The following RPS6 variants were observed in gnomAD, a reference collection of about 807,000 sequenced individuals.
The protein encoded by RPS6 is small ribosomal subunit protein eS6.
RPS6 carries 1 observed loss-of-function variant against 27.1 expected under a neutral mutation model. The ratio of observed to expected loss-of-function variants is 0.04; its 90% CI spans 0.01 to 0.18. The LOEUF (loss-of-function observed/expected upper bound fraction) is 0.18, where lower values mean the gene tolerates loss of function less well. Ranked by LOEUF, RPS6 falls within the 10% of genes least tolerant of loss-of-function variation. The pLI is 1.00. For missense variants in RPS6, 259 were observed against 319.1 expected, an observed-to-expected ratio of 0.81 and a Z score of 1.44; for synonymous variants, 152 against 106.0, an observed-to-expected ratio of 1.43 and a Z score of -2.66.
rs1829627044 is a variant in RPS6, at chr9:19,378,533, A to G, written c.350-19T>C. On this transcript the variant is annotated intron_variant, in intron 3 of 5. Transcript: ENST00000380394. The stretch of plus-strand genomic sequence containing the variant: ...TTCTCTCCTTAGAAGAAACAGTTGA[A>G]GAGATTTTAATTCAACAACTTCCTT... 6.2e-7 allele frequency: 1 copy of G among 1,607,228 alleles called. No homozygotes were observed. Among genetic ancestry groups the G allele is most frequent in the South Asian group, 1.1e-5 (1 of 89,600 alleles).
intron 4 of RPS6, 52 bp from the exon 5 acceptor site, chr9:19,376,703 C>G: frequency 6.5e-7 from 1 of 1,544,372 alleles, no homozygotes; most frequent in East Asian, 2.2e-5. Flanking sequence ...TTAGAATCCA[C>G]ATCTACTTTA....
chr9:19,376,867 G>C (rs762586723), intron 4 of RPS6: 1 of 432,512 alleles, frequency 2.3e-6, no homozygotes, highest in African/African-American at 2.0e-5. Flanking sequence ...GGGAAACCAA[G>C]TCCTGAAAAA....
intron 1 of RPS6, 160 bp from the exon 2 acceptor site, chr9:19,379,778 C>G: frequency 6.8e-7 from 1 of 1,462,646 alleles, no homozygotes; most frequent in Non-Finnish European, 9.0e-7. Flanking sequence ...CACGTGAAAG[C>G]AGAGTAGCAG....
chr9:19,378,950 C>CT (rs1563858489), intron 2 of RPS6, 32 bp from the exon 3 acceptor site: 1 of 1,596,172 alleles, frequency 6.3e-7, no homozygotes, highest in African/African-American at 1.3e-5. Context: ...GACACATTTA[C>CT]TATTTCTATT....
Position 19,380,186 on chromosome 9 carries a change from C to G in RPS6, c.6+4G>C, listed in dbSNP as rs1358678942. 2 of 1,614,180 alleles carry G rather than the reference C, an allele frequency of 1.2e-6. No homozygotes were observed. The highest frequency in any genetic ancestry group is 1.7e-6 in the Non-Finnish European group (2 of 1,180,034). On this transcript the variant is annotated splice_donor_region_variant and intron_variant, in intron 1 of 5. Transcript: ENST00000380394. ...CCAGTCTAACACTCGCCACCATCAC[C>G]TACCTTCATCTTGAAGCAGCTGAAC...
intron 4 of RPS6, 40 bp from the exon 5 acceptor site, chr9:19,376,691 T>C: frequency 6.3e-7 from 1 of 1,577,586 alleles, no homozygotes; most frequent in Middle Eastern, 1.7e-4. Context: ...ATATTTGTTT[T>C]GTTAGAATCC....
chr9:19,378,096 C>G (rs1464307635), intron 4 of RPS6, among the ~76,000 whole-genome samples: 2 of 152,080 alleles, frequency 1.3e-5, no homozygotes, highest in African/African-American at 2.4e-5. Flanking sequence ...ATAGCAATGA[C>G]CTTAAAGTCA....
chr9:19,376,828 A>C, intron 4 of RPS6, 177 bp from the exon 5 acceptor site: 2 of 522,192 alleles, frequency 3.8e-6, no homozygotes. Flanking sequence ...AGAAATCTAG[A>C]AGATTGGTTA....
intron 1 of RPS6, chr9:19,379,943 G>C: frequency 7.0e-7 from 1 of 1,433,254 alleles, no homozygotes; most frequent in South Asian, 1.5e-5. Flanking sequence ...GCAACACGCC[G>C]CATCCGTCCC....
chr9:19,376,498 A>G lies in RPS6; in HGVS notation c.650T>C (p.Met217Thr). The G allele has an allele frequency of 6.2e-7, 1 of 1,613,766 alleles. No individual in the cohort carries two copies. The highest frequency in any genetic ancestry group is 1.1e-5 in the South Asian group (1 of 91,006). ...CTCAAATCATCTTAGACTAACCTTC[A>G]TTCTCTTGGCCAAAAGTTTAGCATA... is the stretch of plus-strand genomic sequence containing the variant. ...AEYAKLLAKRMKEAKEKRQEQ... is the reference protein window; with the variant it reads ...AEYAKLLAKRTKEAKEKRQEQ... Residue 217 changes from methionine (M) to threonine (T), a missense_variant, in exon 5 of 6, where the codon ATG becomes ACG. Physicochemically the swap from Met to Thr is moderately conservative, Grantham distance 81. Transcript: ENST00000380394.
intron 4 of RPS6, among the ~76,000 whole-genome samples, chr9:19,377,995 A>T (rs1188129910): frequency 6.6e-6 from 1 of 152,224 alleles, no homozygotes; most frequent in East Asian, 1.9e-4. Context: ...TCTCTTAAAA[A>T]ATATTAATAA....
At position 19,379,544 on chromosome 9, in the gene RPS6, G is replaced by A. The variant is rs1829644604; in HGVS notation, c.81C>T (p.Phe27=). 1.2e-6 allele frequency: 2 copies of A among 1,614,166 alleles called. No homozygotes were observed. Among genetic ancestry groups the A allele is most frequent in the East Asian group, 2.2e-5 (1 of 44,888 alleles). The change falls in exon 2 of 6, where the codon TTC becomes TTT. Residue 27 remains phenylalanine (F), a synonymous_variant. Transcript: ENST00000380394. Reference sequence around the variant, plus strand: ...CTTCTGTGGCCATACGCTTCTCATAGAAAGTACGAAGTTTGCGTTCATCGT... The same window carrying A: ...CTTCTGTGGCCATACGCTTCTCATAAAAAGTACGAAGTTTGCGTTCATCGT... ...EVDDERKLRT[F]YEKRMATEVA... is the part of the protein sequence containing the mutation.
rs1159153043 is a variant in RPS6 at position 19,379,527 on chromosome 9, G to A, written c.98C>T (p.Ala33Val). 5 of 1,614,146 alleles carry A rather than the reference G, an allele frequency of 3.1e-6. No homozygotes were observed. Among genetic ancestry groups the A allele is most frequent in the Non-Finnish European group, 4.2e-6 (5 of 1,180,020 alleles). ...KLRTFYEKRM[A>V]TEVAADALGE... The stretch of plus-strand genomic sequence containing the variant: ...CAGAGCGTCAGCAGCAACTTCTGTG[G>A]CCATACGCTTCTCATAGAAAGTACG... Residue 33 changes from alanine (A) to valine (V), a missense_variant, in exon 2 of 6, where the codon GCC becomes GTC. This residue lies in a region of RPS6 where 65 missense variants were observed against 66.6 expected (regional missense o/e 0.98). Transcript: ENST00000380394.
At chr9:19,376,800 T>C (rs1175003511) in intron 4 of RPS6, 149 bp from the exon 5 acceptor site, 1 of 649,152 alleles carries the variant, frequency 1.5e-6, no homozygotes, top group Non-Finnish European at 2.4e-6. Flanking sequence ...TATTCTAAAA[T>C]GCTTTTTGCC....
chr9:19,379,939 C>T (rs1053545453), intron 1 of RPS6: 2 of 1,434,320 alleles, frequency 1.4e-6, no homozygotes, highest in African/African-American at 2.9e-5. Context: ...CTGGGCAACA[C>T]GCCGCATCCG....
intron 2 of RPS6, 195 bp downstream of exon 2, chr9:19,379,290 CTT>C (rs1257479022): frequency 6.8e-7 from 1 of 1,471,692 alleles, no homozygotes; most frequent in Non-Finnish European, 9.0e-7. Flanking sequence ...TTGATGTAAA[CTT>C]TACGTATATT....
intron 1 of RPS6, chr9:19,379,845 T>G (rs962076913): frequency 1.0e-4 from 142 of 1,426,388 alleles, no homozygotes; most frequent in Non-Finnish European, 1.2e-4. Context: ...GGAATGACTC[T>G]GGGGGCGAGG....
intron 4 of RPS6, among the ~76,000 whole-genome samples, chr9:19,377,641 A>G (rs527971327): frequency 6.6e-6 from 1 of 152,134 alleles, no homozygotes; most frequent in African/African-American, 2.4e-5. Flanking sequence ...AATATCCCCA[A>G]ATTTCACCAC....
At chr9:19,378,250 A>C in intron 4 of RPS6, 118 bp downstream of exon 4, 1 of 980,036 alleles carries the variant, frequency 1.0e-6, no homozygotes, top group Non-Finnish European at 1.5e-6. Context: ...TTCTGTAAAA[A>C]CTCCAAGTGA....
Sources: allele counts gnomAD v4.1 joint callset (sites outside exome capture counted in the v4.1 genomes callset), GRCh38; gene constraint gnomAD v4.1.1; regional missense constraint gnomAD v4.1.1; transcripts MANE v1.5; gene names NCBI Gene and HGNC (gene_info 2026-07-23, HGNC 2026-07-21).